ANKFY1: variants seen among roughly 807,000 people sequenced by gnomAD.
The protein encoded by ANKFY1 is ankyrin repeat and FYVE domain containing 1, also known as ankyrin repeat and FYVE domain-containing protein 1.
A neutral mutation model predicts 128.3 loss-of-function variants in ANKFY1; 47 were observed. The observed-to-expected ratio is 0.37, with a 90% CI of 0.29 to 0.47. The LOEUF is 0.47. Ranked by LOEUF, ANKFY1 falls within the 20% of genes least tolerant of loss-of-function variation. The pLI, the probability that ANKFY1 is intolerant of heterozygous loss-of-function variation, is 1.00. For missense variants in ANKFY1, 1,222 were observed against 1,510.6 expected, an observed-to-expected ratio of 0.81 and a Z score of 3.17; for synonymous variants, 553 against 601.6, an observed-to-expected ratio of 0.92 and a Z score of 1.18.
chr17:4,195,991 C>A (rs73972085), intron 8 of ANKFY1, among the ~76,000 whole-genome samples: 3,122 of 133,000 alleles, frequency 0.023, 125 homozygotes, highest in African/African-American at 0.084. Flanking sequence ...ACACACACAC[C>A]CCCGAGTCAG....
At position 4,182,411 on chromosome 17, in the gene ANKFY1, CT is replaced by C. The variant is rs1338489353; in HGVS notation, c.1953-63del. On this transcript the variant is annotated intron_variant, in intron 14 of 24. Coordinates refer to ENST00000341657, the MANE Select transcript of ANKFY1 (RefSeq NM_001330063.2). ...TTGAACCCAAAGCACAGAAGGTGCCCTTCTGGGCATTCCAGAGTCCAGAATC... is the reference window on the plus strand; with the variant it reads ...TTGAACCCAAAGCACAGAAGGTGCCCTCTGGGCATTCCAGAGTCCAGAATC... The C allele has an allele frequency of 3.7e-6, 5 of 1,353,340 alleles. No individual in the cohort carries two copies. In the Admixed American group the frequency reaches 9.7e-5, roughly 26 times the overall value. 83.8% of individuals were successfully genotyped at this position (1,353,340 alleles called of 1,614,324 possible).
In ANKFY1 at chr17:4,259,946, G is replaced by A. The variant is rs118156839; in HGVS notation, c.10+3986C>T. Among the ~76,000 whole-genome samples, 140 of 152,278 alleles carry A rather than the reference G, an allele frequency of 9.2e-4. 1 individual carries two copies. The East Asian group carries it at 0.017, about 19-fold the overall frequency. On this transcript the variant is annotated intron_variant, in intron 1 of 24. Transcript: ENST00000341657. ...TCAGTTGTGTGGAGAAACAGCGGAG[G>A]ACTGTTCCAGGCCAAGGAAACTGCA...
Position 4,167,736 on chromosome 17 carries a change from G to C in ANKFY1, c.*43C>G. The C allele has an allele frequency of 6.4e-7, 1 of 1,571,798 alleles. No individual in the cohort carries two copies. Among genetic ancestry groups the C allele is most frequent in the Non-Finnish European group, 8.7e-7 (1 of 1,155,434 alleles). On this transcript the variant is annotated 3_prime_UTR_variant, in exon 25 of 25. Transcript: ENST00000341657. This position sits in a 1 kb window ranked among gnomAD's most constrained non-coding sequence, Gnocchi z 4.1. ...AGGCTGGTGAGCAGAGCAGCTGCTG[G>C]GGAGGTGACCAAGGACGTGGCCTGG...
chr17:4,243,227 C>T (rs1051038391), intron 1 of ANKFY1, among the ~76,000 whole-genome samples: 3 of 152,168 alleles, frequency 2.0e-5, no homozygotes, highest in East Asian at 3.9e-4. Flanking sequence ...CCACCATGCC[C>T]AGCTCATTTT....
Position 4,164,898 on chromosome 17 carries a change from C to A in ANKFY1, c.*2881G>T, listed in dbSNP as rs1467322453. Reference sequence around the variant, plus strand: ...GTAGAGGACTAAAGGTCACGTAGACCCCACTCCTTGGAGAGAACGTGGCAG... The same window carrying A: ...GTAGAGGACTAAAGGTCACGTAGACACCACTCCTTGGAGAGAACGTGGCAG... On this transcript the variant is annotated 3_prime_UTR_variant, in exon 25 of 25. Coordinates refer to ENST00000341657, the MANE Select transcript of ANKFY1 (RefSeq NM_001330063.2). 6.6e-6 allele frequency: 1 copy of A among 152,592 alleles called. No homozygotes were observed. The highest frequency in any genetic ancestry group is 1.5e-5 in the Non-Finnish European group (1 of 68,042). 9.5% of individuals were successfully genotyped at this position (152,592 alleles called of 1,614,324 possible).
rs1260705550 is a variant in ANKFY1, at chr17:4,178,630, C to T, written c.2598+227G>A. The T allele has an allele frequency of 4.0e-5, 23 of 575,548 alleles. No individual in the cohort carries two copies. The highest frequency in any genetic ancestry group is 1.4e-4 in the South Asian group (7 of 48,882). 35.7% of individuals were successfully genotyped at this position (575,548 alleles called of 1,614,324 possible). A position where few individuals can be genotyped will look rare whatever the true frequency, so the allele number is the denominator to read the frequency against. ...TTCCTACGATGGAGCCCACTGCCTC[C>T]GCTTCCATCGAAGCCGGGCACTGTC... On this transcript the variant is annotated intron_variant, in intron 18 of 24. Transcript: ENST00000341657. This position sits in a 1 kb window ranked among gnomAD's most constrained non-coding sequence, Gnocchi z 4.1.
intron 13 of ANKFY1, 83 bp from the exon 14 acceptor site, chr17:4,183,634 C>T: frequency 1.3e-6 from 2 of 1,552,728 alleles, no homozygotes; most frequent in Non-Finnish European, 1.8e-6. Flanking sequence ...ACCCTCTCAG[C>T]TTCTCAAAGC....
chr17:4,245,530 T>A (rs1453178753), intron 1 of ANKFY1, among the ~76,000 whole-genome samples: 1 of 151,418 alleles, frequency 6.6e-6, no homozygotes, highest in Non-Finnish European at 1.5e-5. Flanking sequence ...TTTGGAGAGA[T>A]GGGCCTTGCT....
At chr17:4,173,553 C>T (rs1218983866) in intron 20 of ANKFY1, 109 bp from the exon 21 acceptor site, 29 of 984,830 alleles carry the variant, frequency 2.9e-5, no homozygotes, top group Middle Eastern at 4.0e-4. Flanking sequence ...GCCACAGCAG[C>T]GACTGGCCAC....
chr17:4,198,176 T>C (rs2059862411), intron 7 of ANKFY1, among the ~76,000 whole-genome samples: 1 of 151,508 alleles, frequency 6.6e-6, no homozygotes, highest in Admixed American at 6.6e-5. Context: ...AAAGGCCTCC[T>C]TCGGTCATCT....
chr17:4,263,156 T>G (rs1968512526), intron 1 of ANKFY1, among the ~76,000 whole-genome samples: 1 of 152,214 alleles, frequency 6.6e-6, no homozygotes, highest in Non-Finnish European at 1.5e-5. Context: ...CAATAAGGCT[T>G]TGACAATGAA....
At chr17:4,226,400 G>A (rs1182884984) in intron 3 of ANKFY1, among the ~76,000 whole-genome samples, 3 of 152,118 alleles carry the variant, frequency 2.0e-5, no homozygotes, top group South Asian at 2.1e-4. Context: ...GGTGGCATGC[G>A]CTTATAGTCC....
chr17:4,184,238 C>T (rs536541248), intron 12 of ANKFY1, among the ~76,000 whole-genome samples: 68 of 152,252 alleles, frequency 4.5e-4, no homozygotes, highest in African/African-American at 1.5e-3. Flanking sequence ...TAAAACTTTC[C>T]CTCCTACAGT....
At position 4,219,308 on chromosome 17, in the gene ANKFY1, C is replaced by T. The variant is rs2060270830; in HGVS notation, c.323-2190G>A. On this transcript the variant is annotated intron_variant, in intron 3 of 24. Transcript: ENST00000341657. Reference sequence around the variant, plus strand: ...GAGGAATACTTAAAATCATGGTCAACGCAAGTAATTCTCACGGTGTTGTCC... The same window carrying T: ...GAGGAATACTTAAAATCATGGTCAATGCAAGTAATTCTCACGGTGTTGTCC... Among the ~76,000 whole-genome samples, 5 of 152,260 alleles carry T rather than the reference C, an allele frequency of 3.3e-5. No individual in the cohort carries two copies. In the Middle Eastern group the frequency reaches 0.01, roughly 311 times the overall value.
chr17:4,209,498 A>C (rs1205159242), intron 5 of ANKFY1, among the ~76,000 whole-genome samples: 2 of 152,046 alleles, frequency 1.3e-5, no homozygotes, highest in African/African-American at 4.8e-5. Flanking sequence ...ATGGGGTTTC[A>C]CCATGTTGGC....
chr17:4,221,509 GCTGA>G (rs1310232661), intron 3 of ANKFY1, among the ~76,000 whole-genome samples: 7 of 152,154 alleles, frequency 4.6e-5, no homozygotes, highest in African/African-American at 1.4e-4. Flanking sequence ...ACAGCACCTG[GCTGA>G]CTTTGTTTTT....
At chr17:4,175,971 A>AGG (rs2059405025) in intron 19 of ANKFY1, among the ~76,000 whole-genome samples, 1 of 152,074 alleles carries the variant, frequency 6.6e-6, no homozygotes, top group Non-Finnish European at 1.5e-5. Flanking sequence ...AGGGACCGTA[A>AGG]CCTCCTCCAG....
At chr17:4,185,875 G>A (rs2059602386) in intron 11 of ANKFY1, among the ~76,000 whole-genome samples, 1 of 152,088 alleles carries the variant, frequency 6.6e-6, no homozygotes, top group Admixed American at 6.5e-5. Flanking sequence ...CCCGGCAATC[G>A]GCAGCCTTAA....
chr17:4,169,331 G>A lies in ANKFY1; in HGVS notation c.3287-43C>T, dbSNP rs962040424. On this transcript the variant is annotated intron_variant, in intron 23 of 24. Transcript: ENST00000341657. The surrounding 1 kb of genome is among the most constrained non-coding windows in gnomAD (Gnocchi z 5.0). The stretch of plus-strand genomic sequence containing the variant: ...GGCCCGGTCCCGTCAAACCGCGACG[G>A]CGCCACGCAAGCCCCAGGGCTTGGA... The A allele has an allele frequency of 7.5e-6, 11 of 1,466,058 alleles. No individual in the cohort carries two copies. The highest frequency in any genetic ancestry group is 1.0e-5 in the Non-Finnish European group (11 of 1,073,540). 90.8% of individuals were successfully genotyped at this position (1,466,058 alleles called of 1,614,324 possible).
Sources: gnomAD v4.1 joint callset for allele counts (sites outside exome capture counted in the v4.1 genomes callset) on GRCh38, gnomAD v4.1.1 for gene constraint, Gnocchi (gnomAD v3.1) non-coding constraint, MANE v1.5 for transcripts, NCBI Gene and HGNC (gene_info 2026-07-23, HGNC 2026-07-21) for gene names.